PSD2: variants seen among roughly 807,000 people sequenced by gnomAD.
PSD2 encodes the protein pleckstrin and Sec7 domain containing 2, also known as PH and SEC7 domain-containing protein 2.
A neutral mutation model predicts 69.8 loss-of-function variants in PSD2; 38 were observed. The observed-to-expected ratio is 0.54, with a 90% CI of 0.42 to 0.71. The LOEUF (loss-of-function observed/expected upper bound fraction) is 0.71, where lower values mean the gene tolerates loss of function less well. Among genes scored for constraint, PSD2 ranks in the 30% least tolerant of loss-of-function variants. The pLI, the probability that PSD2 is intolerant of heterozygous loss-of-function variation, is 0.00. For synonymous variants in PSD2, 412 were observed against 423.0 expected, an observed-to-expected ratio of 0.97 and a Z score of 0.32; for missense variants, 943 against 1,014.5, an observed-to-expected ratio of 0.93 and a Z score of 0.96.
intron 1 of PSD2, among the ~76,000 whole-genome samples, chr5:139,807,365 G>A (rs150895458): frequency 1.5e-3 from 107 of 71,426 alleles, no homozygotes; most frequent in African/African-American, 5.2e-3. Context: ...CCCTCCCCCC[G>A]CTCAGGAGTC....
intron 1 of PSD2, among the ~76,000 whole-genome samples, chr5:139,803,238 A>G (rs908120567): frequency 1.3e-4 from 20 of 152,272 alleles, no homozygotes; most frequent in African/African-American, 4.6e-4. Context: ...GCCCCACGGG[A>G]GTCTTTGATT....
chr5:139,831,575 T>G (rs1325298368), intron 7 of PSD2, among the ~76,000 whole-genome samples: 2 of 152,212 alleles, frequency 1.3e-5, no homozygotes, highest in African/African-American at 4.8e-5. Flanking sequence ...GGTTGGCAAT[T>G]TGCATTCTTG....
the PSD2 span, among the ~76,000 whole-genome samples, chr5:139,751,824 C>A: frequency 7.2e-6 from 1 of 138,832 alleles, no homozygotes; most frequent in African/African-American, 2.8e-5. Context: ...GACAGGGTCT[C>A]GTTCTGTCAC....
At chr5:139,752,307 C>T in the PSD2 span, among the ~76,000 whole-genome samples, 501 of 152,232 alleles carry the variant, frequency 3.3e-3, 5 homozygotes, top group African/African-American at 0.011. Context: ...ATATAACTCT[C>T]CCCCTACCAT....
chr5:139,766,936 T>TCC, the PSD2 span, among the ~76,000 whole-genome samples: 4 of 75,038 alleles, frequency 5.3e-5, no homozygotes, highest in Admixed American at 1.3e-4. Flanking sequence ...TTCCCTTCTT[T>TCC]CTTTCTTTCT....
At position 139,814,143 on chromosome 5, in the gene PSD2, A is replaced by G; in HGVS notation, c.822-27A>G. 6.2e-7 allele frequency: 1 copy of G among 1,605,308 alleles called. No homozygotes were observed. Among genetic ancestry groups the G allele is most frequent in the African/African-American group, 1.3e-5 (1 of 74,338 alleles). On this transcript the variant is annotated intron_variant, in intron 3 of 14. Coordinates refer to ENST00000274710, the MANE Select transcript of PSD2 (RefSeq NM_032289.4). The surrounding 1 kb of genome is among the most constrained non-coding windows in gnomAD (Gnocchi z 4.4). ...CCTTTGACCCTGGGCCTCTGACGCT[A>G]CTCTTCCACCCACCTTCCATCTGCA...
intron 1 of PSD2, among the ~76,000 whole-genome samples, chr5:139,799,068 C>A (rs1253862399): frequency 6.6e-6 from 1 of 152,068 alleles, no homozygotes; most frequent in Non-Finnish European, 1.5e-5. Context: ...TCAAGTTAAC[C>A]ATTTTGGGGC....
chr5:139,763,319 T>A, the PSD2 span, among the ~76,000 whole-genome samples: 1 of 152,136 alleles, frequency 6.6e-6, no homozygotes, highest in Non-Finnish European at 1.5e-5. Context: ...TTCACGTCAC[T>A]CTGAAGCATG....
chr5:139,774,698 G>A, the PSD2 span, among the ~76,000 whole-genome samples: 1 of 152,118 alleles, frequency 6.6e-6, no homozygotes, highest in African/African-American at 2.4e-5. Context: ...CACCATGTTG[G>A]TCAGGCTGGT....
At chr5:139,747,014 C>T in the PSD2 span, among the ~76,000 whole-genome samples, 2 of 152,148 alleles carry the variant, frequency 1.3e-5, no homozygotes, top group Non-Finnish European at 2.9e-5. The surrounding 1 kb of genome is among the most constrained non-coding windows in gnomAD (Gnocchi z 6.7). Context: ...GGTCCTTCGC[C>T]CTCCTCCCAC....
Position 139,821,964 on chromosome 5 carries a change from G to A in PSD2, c.1169G>A (p.Arg390His), listed in dbSNP as rs147817555. ...ERERVLTHFSRRYCQCNPDDS... is the reference protein window; with the variant it reads ...ERERVLTHFSHRYCQCNPDDS... ...GAGCGGGTCCTCACACACTTCTCCC[G>A]CCGGTACTGCCAGTGCAACCCTGAT... Residue 390 changes from arginine (R) to histidine (H), a missense_variant, in exon 6 of 15, where the codon CGC becomes CAC. Coordinates refer to ENST00000274710, the MANE Select transcript of PSD2 (RefSeq NM_032289.4). 27 of 1,609,558 alleles carry A rather than the reference G, an allele frequency of 1.7e-5. No homozygotes were observed. Among genetic ancestry groups the A allele is most frequent in the Admixed American group, 1.0e-4 (6 of 59,604 alleles).
At chr5:139,841,561 T>G (rs1303907496) in intron 14 of PSD2, among the ~76,000 whole-genome samples, 1 of 152,230 alleles carries the variant, frequency 6.6e-6, no homozygotes, top group African/African-American at 2.4e-5. Flanking sequence ...CATGTGGTAA[T>G]TTTATTTTTA....
chr5:139,744,442 T>A, the PSD2 span, among the ~76,000 whole-genome samples: 1 of 152,214 alleles, frequency 6.6e-6, no homozygotes, highest in Admixed American at 6.5e-5. Flanking sequence ...GTGTCCCTGC[T>A]GCCTGGTCCT....
chr5:139,820,321 T>A (rs1760225692), intron 5 of PSD2, among the ~76,000 whole-genome samples: 1 of 149,816 alleles, frequency 6.7e-6, no homozygotes, highest in African/African-American at 2.5e-5. Flanking sequence ...TGGAGGAATG[T>A]GAGAAGAGGG....
chr5:139,764,821 C>T, the PSD2 span, among the ~76,000 whole-genome samples: 1 of 152,162 alleles, frequency 6.6e-6, no homozygotes, highest in African/African-American at 2.4e-5. Context: ...GAGCAGCACC[C>T]TCCACACCCG....
intron 14 of PSD2, among the ~76,000 whole-genome samples, chr5:139,840,782 C>T (rs759271205): frequency 2.6e-5 from 4 of 152,130 alleles, no homozygotes; most frequent in Non-Finnish European, 5.9e-5. Context: ...GAACTCCTGA[C>T]TTCAGGTGAT....
chr5:139,761,304 A>C, the PSD2 span, among the ~76,000 whole-genome samples: 1 of 152,230 alleles, frequency 6.6e-6, no homozygotes, highest in Admixed American at 6.5e-5. Context: ...GCTTGTGAGC[A>C]CAAGGTTGGG....
the PSD2 span, among the ~76,000 whole-genome samples, chr5:139,744,530 G>A: frequency 1.3e-5 from 2 of 152,142 alleles, no homozygotes; most frequent in Non-Finnish European, 2.9e-5. Flanking sequence ...GCAGCTGTCC[G>A]GCTGAGTGGG....
chr5:139,807,927 G>A (rs1007228109), intron 1 of PSD2, among the ~76,000 whole-genome samples: 1 of 152,230 alleles, frequency 6.6e-6, no homozygotes, highest in Non-Finnish European at 1.5e-5. Flanking sequence ...GTCTGGGGTA[G>A]GGCCTGGTAA....
Sources: allele counts gnomAD v4.1 joint callset (sites outside exome capture counted in the v4.1 genomes callset), GRCh38; gene constraint gnomAD v4.1.1; non-coding constraint Gnocchi (gnomAD v3.1); transcripts MANE v1.5; gene names NCBI Gene and HGNC (gene_info 2026-07-23, HGNC 2026-07-21).